Variants in SLC24A3 observed in about 807,000 individuals in gnomAD.
The protein encoded by SLC24A3 is solute carrier family 24 member 3.
In SLC24A3, 28 loss-of-function variants were observed where a neutral mutation model predicts 75.8. The observed-to-expected ratio is 0.37, with a 90% CI of 0.27 to 0.51. The LOEUF is 0.51. Among genes scored for constraint, SLC24A3 ranks in the 20% least tolerant of loss-of-function variants. The probability of loss-of-function intolerance (pLI) is 0.94; values close to 1 mark genes in which losing one functional copy is unlikely to be tolerated. For missense variants in SLC24A3, 663 were observed against 847.8 expected (o/e 0.78, Z 2.71); for synonymous variants, 372 against 334.1 (o/e 1.11, Z -1.24).
chr20:19,515,396 A>G lies in SLC24A3; in HGVS notation c.272-92A>G, dbSNP rs147758274. ...CAGGATCTTTTTTTCATCCAAGTTC[A>G]TGGACCCCATGTTAAAACCAAGACT... On this transcript the variant is annotated intron_variant, in intron 2 of 16. Coordinates refer to ENST00000328041, the MANE Select transcript of SLC24A3 (RefSeq NM_020689.4). The G allele has an allele frequency of 1.6e-5, 19 of 1,166,844 alleles. No individual in the cohort carries two copies. The African/African-American group carries it at 2.4e-4, about 15-fold the overall frequency. The allele number at this position is 1,166,844 out of a possible 1,614,324, so 72.3% of individuals were successfully genotyped here.
chr20:19,240,974 G>A (rs1021757735), intron 1 of SLC24A3, among the ~76,000 whole-genome samples: 1 of 152,332 alleles, frequency 6.6e-6, no homozygotes, highest in South Asian at 2.1e-4. Flanking sequence ...GGCATTGGCA[G>A]CAAGTGCCAC....
intron 6 of SLC24A3, among the ~76,000 whole-genome samples, chr20:19,607,761 GTC>G (rs1375484397): frequency 1.3e-5 from 2 of 152,160 alleles, no homozygotes; most frequent in Non-Finnish European, 2.9e-5. Flanking sequence ...CCTCACCCCT[GTC>G]TCTCTGTTCT....
intron 6 of SLC24A3, among the ~76,000 whole-genome samples, chr20:19,633,327 A>G (rs562978451): frequency 3.3e-5 from 5 of 152,140 alleles, no homozygotes; most frequent in Non-Finnish European, 7.4e-5. Context: ...CACCTTGTAC[A>G]TATCTGTGTC....
intron 2 of SLC24A3, among the ~76,000 whole-genome samples, chr20:19,408,944 G>C (rs954943018): frequency 3.3e-5 from 5 of 152,190 alleles, no homozygotes; most frequent in African/African-American, 9.7e-5. Flanking sequence ...AGCTCCTGCT[G>C]TATGCTTTCA....
At chr20:19,413,769 G>T (rs543888364) in intron 2 of SLC24A3, among the ~76,000 whole-genome samples, 62 of 152,278 alleles carry the variant, frequency 4.1e-4, no homozygotes, top group African/African-American at 1.4e-3. Context: ...TGTTAGAATG[G>T]CTTAAAGTAA....
At chr20:19,416,501 G>A (rs1212264511) in intron 2 of SLC24A3, among the ~76,000 whole-genome samples, 1 of 152,150 alleles carries the variant, frequency 6.6e-6, no homozygotes, top group African/African-American at 2.4e-5. Flanking sequence ...TGATTGATAA[G>A]GGTCCTTCTC....
intron 2 of SLC24A3, among the ~76,000 whole-genome samples, chr20:19,338,534 G>T (rs1985191159): frequency 6.6e-6 from 1 of 152,170 alleles, no homozygotes; most frequent in African/African-American, 2.4e-5. Flanking sequence ...TGGCCTCTGG[G>T]ATCAAGGCCT....
At chr20:19,542,727 G>T (rs1405143644) in intron 3 of SLC24A3, among the ~76,000 whole-genome samples, 1 of 152,210 alleles carries the variant, frequency 6.6e-6, no homozygotes, top group Non-Finnish European at 1.5e-5. Flanking sequence ...TTGAGTATTG[G>T]TGGGGGGCTA....
At chr20:19,443,923 G>T (rs966215029) in intron 2 of SLC24A3, among the ~76,000 whole-genome samples, 2 of 152,146 alleles carry the variant, frequency 1.3e-5, no homozygotes, top group Non-Finnish European at 2.9e-5. Context: ...AGACAGGAGT[G>T]CTTGAGAGTT....
chr20:19,514,747 T>C (rs1191169240), intron 2 of SLC24A3, among the ~76,000 whole-genome samples: 2 of 152,164 alleles, frequency 1.3e-5, no homozygotes, highest in African/African-American at 2.4e-5. Context: ...GTTCACAGAC[T>C]CCAGCTTTCA....
In SLC24A3 at chr20:19,274,788, G is replaced by A. The variant is rs575234443; in HGVS notation, c.143-6171G>A. ...CTGCTCACTCAAGTCTGCAGAAGGC[G>A]TCCGCTGGCTGCGGGCTTATGCAAA... On this transcript the variant is annotated intron_variant, in intron 1 of 16. Transcript: ENST00000328041. Among the ~76,000 whole-genome samples, 357 of 152,320 alleles carry A rather than the reference G, an allele frequency of 2.3e-3. 3 individuals are homozygous for A. The highest frequency in any genetic ancestry group is 0.01 in the Middle Eastern group (3 of 294).
chr20:19,424,947 G>C (rs1986980150), intron 2 of SLC24A3, among the ~76,000 whole-genome samples: 1 of 151,954 alleles, frequency 6.6e-6, no homozygotes, highest in Non-Finnish European at 1.5e-5. Context: ...GTTCTTTATG[G>C]AGAGTCTGAT....
At chr20:19,673,853 T>C (rs945893631) in intron 9 of SLC24A3, among the ~76,000 whole-genome samples, 199 bp downstream of exon 9, 1 of 152,194 alleles carries the variant, frequency 6.6e-6, no homozygotes, top group Non-Finnish European at 1.5e-5. Flanking sequence ...CAGCCCATAT[T>C]TGATGATAGA....
In SLC24A3 at chr20:19,242,740, G is replaced by A. The variant is rs148159240; in HGVS notation, c.142+29756G>A. Among the ~76,000 whole-genome samples, 20 of 152,290 alleles carry A rather than the reference G, an allele frequency of 1.3e-4. No individual in the cohort carries two copies. The East Asian group carries it at 2.9e-3, about 22-fold the overall frequency. On this transcript the variant is annotated intron_variant, in intron 1 of 16. Coordinates refer to ENST00000328041, the MANE Select transcript of SLC24A3 (RefSeq NM_020689.4). ...AAGAACGGACACAAATATAGATCAG[G>A]AGTATTGAAATGAATGTGCAAATGG...
intron 4 of SLC24A3, 68 bp downstream of exon 4, chr20:19,580,142 C>T: frequency 1.4e-6 from 2 of 1,401,152 alleles, no homozygotes; most frequent in Non-Finnish European, 2.0e-6. Flanking sequence ...TGTACTGTTC[C>T]AGCCTCCTCA....
intron 9 of SLC24A3, among the ~76,000 whole-genome samples, chr20:19,676,914 T>C (rs1217863613): frequency 6.6e-6 from 1 of 152,198 alleles, no homozygotes; most frequent in Non-Finnish European, 1.5e-5. Context: ...TCATGGGACC[T>C]CAGCCAAGTT....
chr20:19,278,641 C>T lies in SLC24A3; in HGVS notation c.143-2318C>T, dbSNP rs76469507. On this transcript the variant is annotated intron_variant, in intron 1 of 16. Transcript: ENST00000328041. ...CTACACAAATGCCTTGCTTTAACCT[C>T]GAATTATCTTTGATATTGTCCTCAT... 9.1e-3 allele frequency among the ~76,000 whole-genome samples: 1,393 copies of T among 152,298 alleles called. 19 individuals carry two copies. Among genetic ancestry groups the T allele is most frequent in the African/African-American group, 0.029 (1,203 of 41,550 alleles).
chr20:19,316,994 C>T (rs1984602485), intron 2 of SLC24A3, among the ~76,000 whole-genome samples: 1 of 152,070 alleles, frequency 6.6e-6, no homozygotes, highest in African/African-American at 2.4e-5. Flanking sequence ...TCCCTCCTCC[C>T]ACCCCTCTGA....
chr20:19,350,884 G>T (rs1289392117), intron 2 of SLC24A3, among the ~76,000 whole-genome samples: 1 of 150,860 alleles, frequency 6.6e-6, no homozygotes, highest in Non-Finnish European at 1.5e-5. Flanking sequence ...AGAACCACAA[G>T]CTGGATGTTC....
Sources: allele counts gnomAD v4.1 joint callset (sites outside exome capture counted in the v4.1 genomes callset), GRCh38; gene constraint gnomAD v4.1.1; transcripts MANE v1.5; gene names NCBI Gene and HGNC (gene_info 2026-07-23, HGNC 2026-07-21).